The following NEBL variants were observed in gnomAD, a reference collection of about 807,000 sequenced individuals.
NEBL encodes the protein nebulette.
A neutral mutation model predicts 140.2 loss-of-function variants in NEBL; 122 were observed. The observed-to-expected ratio is 0.87, with a 90% CI of 0.75 to 1.01. The LOEUF is 1.01. NEBL is among the 50% of genes least tolerant of loss of function. The probability of loss-of-function intolerance (pLI) is 0.00; values close to 1 mark genes in which losing one functional copy is unlikely to be tolerated. For synonymous variants in NEBL, 436 were observed against 398.9 expected, an observed-to-expected ratio of 1.09 and a Z score of -1.11; for missense variants, 1,365 against 1,231.3, an observed-to-expected ratio of 1.11 and a Z score of -1.62.
chr10:21,030,520 A>G, intron 2 of NEBL: 1 of 806,698 alleles, frequency 1.2e-6, no homozygotes, highest in Non-Finnish European at 2.1e-6. Flanking sequence ...ATGCTTGGTG[A>G]AGTGAGGTTC....
Position 21,251,452 on chromosome 10 carries a change from C to T in NEBL, n.279+280G>A, listed in dbSNP as rs1842588242. ...GTTCAGTATTTAATATTAAGATTTTCTCAGGCTATGTAGTAGGTTGAATGG... is the reference window on the plus strand; with the variant it reads ...GTTCAGTATTTAATATTAAGATTTTTTCAGGCTATGTAGTAGGTTGAATGG... On this transcript the variant is annotated intron_variant and non_coding_transcript_variant, in intron 2 of 8. Transcript: ENST00000675702. 2.6e-5 allele frequency among the ~76,000 whole-genome samples: 4 copies of T among 152,218 alleles called. No homozygotes were observed. In the South Asian group the frequency reaches 8.3e-4, roughly 32 times the overall value.
intron 2 of NEBL, among the ~76,000 whole-genome samples, chr10:21,148,839 TG>T (rs1307271916): frequency 6.6e-6 from 1 of 152,106 alleles, no homozygotes; most frequent in African/African-American, 2.4e-5. Context: ...GTCCTCCTTT[TG>T]TCTGCTCCTT....
chr10:21,048,563 C>T (rs1834625334), intron 2 of NEBL, among the ~76,000 whole-genome samples: 1 of 151,658 alleles, frequency 6.6e-6, no homozygotes, highest in African/African-American at 2.4e-5. Context: ...GTCTTAGAGT[C>T]CTTCCAAGAA....
At chr10:21,048,863 G>C (rs943974729) in intron 2 of NEBL, among the ~76,000 whole-genome samples, 8 of 152,060 alleles carry the variant, frequency 5.3e-5, no homozygotes, top group Non-Finnish European at 1.0e-4. Flanking sequence ...AATAAAATTA[G>C]CCGGGCATGG....
chr10:21,124,922 T>C (rs935726734), intron 2 of NEBL, among the ~76,000 whole-genome samples: 2 of 152,208 alleles, frequency 1.3e-5, no homozygotes, highest in Non-Finnish European at 2.9e-5. Context: ...ATCACAGGAC[T>C]GTACTCCAGA....
intron 2 of NEBL, among the ~76,000 whole-genome samples, chr10:21,105,408 C>T (rs1564513082): frequency 6.6e-6 from 1 of 151,904 alleles, no homozygotes; most frequent in African/African-American, 2.4e-5. Flanking sequence ...CATTGTTCAA[C>T]TTCCACCTAT....
intron 17 of NEBL, among the ~76,000 whole-genome samples, chr10:20,827,097 T>G (rs1021516048): frequency 2.6e-5 from 4 of 152,302 alleles, no homozygotes; most frequent in Middle Eastern, 3.4e-3. Context: ...ACGTCTACCC[T>G]TCCAAACCCA....
At chr10:21,167,810 G>A (rs1840847430) in intron 2 of NEBL, among the ~76,000 whole-genome samples, 1 of 151,796 alleles carries the variant, frequency 6.6e-6, no homozygotes, top group Non-Finnish European at 1.5e-5. Flanking sequence ...TTATTTTCTC[G>A]GCACCTCTTA....
rs1446937820 is a variant in NEBL, at chr10:21,173,282, C to T, written c.69+483G>A. On this transcript the variant is annotated intron_variant, in intron 1 of 6. Coordinates refer to the NEBL transcript ENST00000417816. The surrounding 1 kb of genome is among the most constrained non-coding windows in gnomAD (Gnocchi z 5.7). ...GGGATTATTCTTAGCAATGCGGCAG[C>T]GGCCGCCCCATGACATATTAATTAC... Among the ~76,000 whole-genome samples the T allele has an allele frequency of 6.6e-6, 1 of 152,172 alleles. No individual in the cohort carries two copies. Among genetic ancestry groups the T allele is most frequent in the Non-Finnish European group, 1.5e-5 (1 of 68,036 alleles).
chr10:21,270,173 C>T (rs1842845053), intron 1 of NEBL, among the ~76,000 whole-genome samples: 1 of 152,104 alleles, frequency 6.6e-6, no homozygotes. Flanking sequence ...CTGCAACTCC[C>T]CTACAGTTTC....
intron 2 of NEBL, among the ~76,000 whole-genome samples, chr10:21,124,821 C>T (rs992800103): frequency 6.6e-6 from 1 of 152,168 alleles, no homozygotes; most frequent in Admixed American, 6.5e-5. Flanking sequence ...ATTGGCCAGG[C>T]ATGGTGCCAT....
intron 2 of NEBL, chr10:21,146,254 A>T: frequency 9.7e-7 from 1 of 1,027,602 alleles, no homozygotes; most frequent in Non-Finnish European, 1.4e-6. Context: ...TTACAGCTGC[A>T]CGTGTCAGGC....
intron 2 of NEBL, among the ~76,000 whole-genome samples, chr10:21,088,279 T>A (rs1209876980): frequency 6.6e-6 from 1 of 152,188 alleles, no homozygotes; most frequent in African/African-American, 2.4e-5. Context: ...GACAGGAGCA[T>A]CACTTGAGCC....
intron 1 of NEBL, among the ~76,000 whole-genome samples, chr10:21,275,583 T>G (rs1455097258): frequency 1.3e-5 from 2 of 152,074 alleles, no homozygotes; most frequent in Non-Finnish European, 2.9e-5. Context: ...TGCACCCATG[T>G]GTCTTGTTTG....
chr10:20,922,224 T>C (rs945948529), intron 4 of NEBL, among the ~76,000 whole-genome samples: 5 of 152,182 alleles, frequency 3.3e-5, no homozygotes, highest in African/African-American at 1.2e-4. Context: ...TGGCTGAGAA[T>C]TAAATGATTC....
chr10:20,976,920 A>AT (rs201228873), intron 3 of NEBL, among the ~76,000 whole-genome samples: 156 of 147,708 alleles, frequency 1.1e-3, no homozygotes, highest in African/African-American at 3.8e-3. Flanking sequence ...CTGAATCTAC[A>AT]TTAAAAAAAA....
intron 2 of NEBL, among the ~76,000 whole-genome samples, chr10:21,169,077 TATATATATA>T (rs1373045458): frequency 1.1e-4 from 6 of 57,020 alleles, no homozygotes; most frequent in African/African-American, 4.4e-4. Context: ...AATATATATA[TATATATATA>T]TATATATATA....
chr10:20,877,931 C>A (rs1251954856), intron 5 of NEBL, among the ~76,000 whole-genome samples: 2 of 152,216 alleles, frequency 1.3e-5, no homozygotes, highest in Middle Eastern at 3.2e-3. Flanking sequence ...GCCTAGTAAA[C>A]CTCCACTCCT....
intron 4 of NEBL, among the ~76,000 whole-genome samples, chr10:20,921,626 T>G (rs549994684): frequency 6.6e-4 from 101 of 152,332 alleles, no homozygotes; most frequent in Non-Finnish European, 1.2e-3. Context: ...TCACTATCCC[T>G]TGCTTGTTCC....
Sources: allele counts gnomAD v4.1 joint callset (sites outside exome capture counted in the v4.1 genomes callset), GRCh38; gene constraint gnomAD v4.1.1; non-coding constraint Gnocchi (gnomAD v3.1); transcripts MANE v1.5; gene names NCBI Gene and HGNC (gene_info 2026-07-23, HGNC 2026-07-21).